Variants in SYBU observed in about 807,000 individuals in gnomAD.
SYBU encodes syntabulin.
SYBU carries 21 observed loss-of-function variants against 35.9 expected under a neutral mutation model. The observed-to-expected ratio is 0.58, with a 90% CI of 0.41 to 0.84. The LOEUF is 0.84. Ranked by LOEUF, SYBU falls within the 40% of genes least tolerant of loss-of-function variation. The pLI, the probability that SYBU is intolerant of heterozygous loss-of-function variation, is 0.00. For synonymous variants in SYBU, 319 were observed against 324.3 expected (o/e 0.98, Z 0.18); for missense variants, 768 against 848.2 (o/e 0.91, Z 1.17).
chr8:109,691,218 T>A lies in SYBU; in HGVS notation c.-58+115A>T, dbSNP rs944973155. The A allele has an allele frequency of 3.6e-5, 23 of 630,426 alleles. No homozygotes were observed. Among genetic ancestry groups the A allele is most frequent in the Non-Finnish European group, 6.0e-5 (21 of 349,548 alleles). 39.1% of individuals were successfully genotyped at this position (630,426 alleles called of 1,614,324 possible). A position where few individuals can be genotyped will look rare whatever the true frequency, so the allele number is the denominator to read the frequency against. On this transcript the variant is annotated intron_variant, in intron 1 of 7. Transcript: ENST00000422135. The surrounding 1 kb of genome is among the most constrained non-coding windows in gnomAD (Gnocchi z 4.7). ...TGGATACCTCCCGCATTGGAAAGGG[T>A]GGTCCTGGGGTCCGGAGCGCCCCAT... is the stretch of plus-strand genomic sequence containing the variant.
intron 2 of SYBU, among the ~76,000 whole-genome samples, chr8:109,630,427 A>C (rs1464602600): frequency 6.9e-6 from 1 of 145,506 alleles, no homozygotes; most frequent in African/African-American, 2.5e-5. Flanking sequence ...GTATAATAAT[A>C]AAAAAAAAAA....
At chr8:109,623,147 T>C (rs758427020) in intron 2 of SYBU, among the ~76,000 whole-genome samples, 1 of 152,194 alleles carries the variant, frequency 6.6e-6, no homozygotes, top group Non-Finnish European at 1.5e-5. Context: ...TCACTTTACA[T>C]GCTTTATACA....
At chr8:109,658,282 A>G (rs1368222557) in intron 1 of SYBU, among the ~76,000 whole-genome samples, 1 of 152,132 alleles carries the variant, frequency 6.6e-6, no homozygotes, top group South Asian at 2.1e-4. Context: ...AATATATATA[A>G]AGGAGGAAAT....
chr8:109,616,772 C>T (rs1811843479), intron 3 of SYBU, among the ~76,000 whole-genome samples: 1 of 151,230 alleles, frequency 6.6e-6, no homozygotes, highest in African/African-American at 2.4e-5. Flanking sequence ...CATAGCCTAC[C>T]TTTGCTGTTG....
At chr8:109,614,892 C>T (rs752328755) in intron 3 of SYBU, among the ~76,000 whole-genome samples, 2 of 152,242 alleles carry the variant, frequency 1.3e-5, no homozygotes, top group South Asian at 2.1e-4. Flanking sequence ...AGAACCAGTT[C>T]CTGCCTGGAA....
At chr8:109,580,277 G>A in intron 4 of SYBU, 2 of 399,786 alleles carry the variant, frequency 5.0e-6, no homozygotes, top group Non-Finnish European at 9.3e-6. Context: ...AGCCTGCTAA[G>A]AACATACACA....
At chr8:109,650,518 T>TG (rs1388502257) in intron 1 of SYBU, among the ~76,000 whole-genome samples, 5 of 152,136 alleles carry the variant, frequency 3.3e-5, no homozygotes, top group Admixed American at 3.3e-4. Context: ...GCTGTTGGTG[T>TG]GGGGGTCACT....
intron 1 of SYBU, among the ~76,000 whole-genome samples, chr8:109,686,517 T>G (rs1260211079): frequency 6.6e-6 from 1 of 152,192 alleles, no homozygotes; most frequent in Non-Finnish European, 1.5e-5. Context: ...TTAAAGTTAA[T>G]TTGGTGTGTA....
chr8:109,577,615 A>C (rs1482252221), intron 6 of SYBU, among the ~76,000 whole-genome samples: 2 of 152,192 alleles, frequency 1.3e-5, no homozygotes, highest in Non-Finnish European at 2.9e-5. Flanking sequence ...CTGCAAAACA[A>C]CAACAACAAA....
chr8:109,579,922 A>G lies in SYBU; in HGVS notation c.611T>C (p.Leu204Pro), dbSNP rs112294178. 9.4e-3 allele frequency: 15,228 copies of G among 1,614,022 alleles called. 107 individuals are homozygous for G. The highest frequency in any genetic ancestry group is 0.015 in the South Asian group (1,349 of 91,070). The part of the protein sequence containing the change: ...SSPSSPREKD[L>P]LSMLCRNQLS... The stretch of plus-strand genomic sequence containing the variant: ...CTGATTCCTGCACAGCATGGACAGA[A>G]GGTCCTTTTCCCGCGGGGATGATGG... Residue 204 changes from leucine to proline, a missense_variant, in exon 5 of 7, where the codon CTT becomes CCT. Transcript: ENST00000276646.
chr8:109,579,597 G>T (rs748729100), intron 5 of SYBU, among the ~76,000 whole-genome samples: 1 of 152,140 alleles, frequency 6.6e-6, no homozygotes, highest in Non-Finnish European at 1.5e-5. Flanking sequence ...TGCTTAGATT[G>T]CTGTGCCTTG....
intron 2 of SYBU, among the ~76,000 whole-genome samples, chr8:109,642,013 A>G (rs1814935974): frequency 6.6e-6 from 1 of 152,212 alleles, no homozygotes. Flanking sequence ...ACGTATGTTT[A>G]TTGCAGCACT....
intron 3 of SYBU, among the ~76,000 whole-genome samples, chr8:109,611,362 C>T (rs1166531339): frequency 6.6e-6 from 1 of 152,148 alleles, no homozygotes; most frequent in East Asian, 1.9e-4. Context: ...CCATTTGGCA[C>T]CATTACATCA....
In SYBU at chr8:109,574,873, G is replaced by A. The variant is rs1328144842; in HGVS notation, c.*33C>T. 6.6e-7 allele frequency: 1 copy of A among 1,508,480 alleles called. No homozygotes were observed. The highest frequency in any genetic ancestry group is 1.4e-5 in the African/African-American group (1 of 71,654). 93.4% of individuals were successfully genotyped at this position (1,508,480 alleles called of 1,614,324 possible). ...TCTCTACCTGGCACAACCCACATGG[G>A]ACACATTGGCACACGGTAACAACAA... On this transcript the variant is annotated 3_prime_UTR_variant, in exon 7 of 7. Transcript: ENST00000276646.
At chr8:109,597,553 G>GA (rs1285729931) in intron 3 of SYBU, among the ~76,000 whole-genome samples, 264 of 144,350 alleles carry the variant, frequency 1.8e-3, no homozygotes, top group Admixed American at 2.0e-3. Context: ...CCCCATCTCT[G>GA]AAAAAAAAAA....
chr8:109,609,099 C>T (rs1443788854), intron 3 of SYBU, among the ~76,000 whole-genome samples: 2 of 152,204 alleles, frequency 1.3e-5, no homozygotes, highest in Admixed American at 1.3e-4. Flanking sequence ...GTCCACTCTA[C>T]CTCAATGTCT....
chr8:109,578,145 C>T, intron 5 of SYBU, 128 bp from the exon 6 acceptor site: 2 of 1,059,670 alleles, frequency 1.9e-6, no homozygotes, highest in Non-Finnish European at 1.3e-6. Flanking sequence ...ACTTCTTACC[C>T]CAATATGACG....
intron 2 of SYBU, among the ~76,000 whole-genome samples, chr8:109,633,862 T>C (rs1292854678): frequency 6.6e-6 from 1 of 152,108 alleles, no homozygotes; most frequent in African/African-American, 2.4e-5. Flanking sequence ...GCCTCCCAAG[T>C]AGCTGGAATT....
At chr8:109,642,222 G>A (rs113855422) in intron 2 of SYBU, among the ~76,000 whole-genome samples, 1,852 of 152,112 alleles carry the variant, frequency 0.012, 19 homozygotes, top group African/African-American at 0.042. Context: ...ACCAAATACC[G>A]CATGTTCTCA....
Sources: gnomAD v4.1 joint callset for allele counts (sites outside exome capture counted in the v4.1 genomes callset) on GRCh38, gnomAD v4.1.1 for gene constraint, Gnocchi (gnomAD v3.1) non-coding constraint, MANE v1.5 for transcripts, NCBI Gene and HGNC (gene_info 2026-07-23, HGNC 2026-07-21) for gene names.